Variants in GPNMB observed in about 807,000 individuals in gnomAD.
The protein encoded by GPNMB is transmembrane glycoprotein NMB.
A neutral mutation model predicts 57.3 loss-of-function variants in GPNMB; 71 were observed. The ratio of observed to expected loss-of-function variants is 1.24; its 90% CI spans 1.02 to 1.51. The LOEUF (loss-of-function observed/expected upper bound fraction) is 1.51. Ranked by LOEUF, GPNMB falls within the 40% of genes most tolerant of loss-of-function variation. The pLI is 0.00. For missense variants in GPNMB, 677 were observed against 691.9 expected (o/e 0.98, Z 0.24); for synonymous variants, 253 against 263.2 (o/e 0.96, Z 0.38).
rs1398761763 is a variant in GPNMB, at chr7:23,259,457, C to G, written c.542-523C>G. Among the ~76,000 whole-genome samples, 112 of 152,288 alleles carry G rather than the reference C, an allele frequency of 7.4e-4. 2 individuals are homozygous for G. The highest frequency in any genetic ancestry group is 1.6e-4 in the Non-Finnish European group (11 of 68,022). The stretch of plus-strand genomic sequence containing the variant: ...TCGGCCTCCCAAAATGCTGGGATTA[C>G]AGGCATGAGCTACCGCGCCCAGCCA... On this transcript the variant is annotated intron_variant, in intron 4 of 10. Coordinates refer to ENST00000258733, the MANE Select transcript of GPNMB (RefSeq NM_002510.3).
intron 4 of GPNMB, among the ~76,000 whole-genome samples, chr7:23,259,271 C>T (rs1214367727): frequency 1.3e-5 from 2 of 152,128 alleles, no homozygotes; most frequent in Non-Finnish European, 2.9e-5. Flanking sequence ...CTGGAATCCC[C>T]GCTCCGGGTT....
chr7:23,254,444 C>G, intron 3 of GPNMB, 132 bp downstream of exon 3: 1 of 709,376 alleles, frequency 1.4e-6, no homozygotes, highest in East Asian at 2.8e-5. Context: ...ATGACAGAGA[C>G]AGTGAGTGTG....
chr7:23,248,615 GCCA>G (rs1407117511), intron 1 of GPNMB, among the ~76,000 whole-genome samples: 9 of 152,138 alleles, frequency 5.9e-5, no homozygotes, highest in African/African-American at 2.2e-4. Flanking sequence ...AGGCAGCCCA[GCCA>G]CCACCTCTCT....
intron 2 of GPNMB, 134 bp downstream of exon 2, chr7:23,253,593 C>G: frequency 1.4e-6 from 1 of 689,778 alleles, no homozygotes; most frequent in Non-Finnish European, 2.4e-6. Flanking sequence ...AGTGGGGAGG[C>G]ACCTGGACTT....
chr7:23,270,217 A>C (rs761346818), intron 9 of GPNMB, 42 bp downstream of exon 9: 9 of 1,358,564 alleles, frequency 6.6e-6, no homozygotes, highest in Middle Eastern at 1.8e-4. Context: ...TCATACTGCA[A>C]GTAAAGTGTG....
intron 1 of GPNMB, chr7:23,247,183 G>T (rs1434484358): frequency 6.1e-6 from 3 of 494,746 alleles, no homozygotes; most frequent in African/African-American, 5.9e-5. Flanking sequence ...CTTTTCCATT[G>T]CAATTGCAAC....
chr7:23,265,845 G>C (rs1583831857), intron 6 of GPNMB, among the ~76,000 whole-genome samples: 1 of 150,870 alleles, frequency 6.6e-6, no homozygotes, highest in South Asian at 2.1e-4. Flanking sequence ...AACAAGGGAA[G>C]CTGGAATTTG....
chr7:23,267,736 A>T, intron 7 of GPNMB, 150 bp from the exon 8 acceptor site: 1 of 648,298 alleles, frequency 1.5e-6, no homozygotes, highest in Non-Finnish European at 2.8e-6. Flanking sequence ...TACCTCCCAA[A>T]GACCCCCCTC....
chr7:23,273,402 C>A, intron 9 of GPNMB, 119 bp from the exon 10 acceptor site: 1 of 676,440 alleles, frequency 1.5e-6, no homozygotes, highest in Non-Finnish European at 2.6e-6. Flanking sequence ...TTACTGAAAG[C>A]CCAGAGGGAG....
Position 23,246,916 on chromosome 7 carries a change from A to C in GPNMB, c.59A>C (p.Asp20Ala). ...FLLLAARLPL[D>A]AAKRFHDVLG... ...CTCCTGGCTGCAAGATTGCCACTTGATGCCGCCAAACGTGAGTAACCCTTA... is the reference window on the plus strand; with the variant it reads ...CTCCTGGCTGCAAGATTGCCACTTGCTGCCGCCAAACGTGAGTAACCCTTA... Residue 20 changes from aspartate (D) to alanine (A), a missense_variant, in exon 1 of 11, where the codon GAT (aspartate) becomes GCT (alanine). Coordinates refer to ENST00000258733, the MANE Select transcript of GPNMB (RefSeq NM_002510.3). 1 of 1,612,224 alleles carries C rather than the reference A, an allele frequency of 6.2e-7. No homozygotes were observed. Among genetic ancestry groups the C allele is most frequent in the African/African-American group, 1.3e-5 (1 of 74,988 alleles).
intron 9 of GPNMB, 186 bp from the exon 10 acceptor site, chr7:23,273,335 A>T: frequency 1.8e-6 from 1 of 563,886 alleles, no homozygotes; most frequent in East Asian, 3.0e-5. Flanking sequence ...ATGCTGACTC[A>T]TTCTCTAAAT....
Position 23,260,516 on chromosome 7 carries a change from C to G in GPNMB, c.761C>G (p.Thr254Ser), listed in dbSNP as rs767151885. Residue 254 changes from threonine to serine, a missense_variant, in exon 6 of 11, where the codon ACC (threonine) becomes AGC (serine). Coordinates refer to ENST00000258733, the MANE Select transcript of GPNMB (RefSeq NM_002510.3). ...AACGATCGAAATTCATCCGACGAAACCTTCCTCAAAGATCTCCCCATTATG... is the reference window on the plus strand; with the variant it reads ...AACGATCGAAATTCATCCGACGAAAGCTTCCTCAAAGATCTCCCCATTATG... Reference protein sequence around the residue: ...QKNDRNSSDETFLKDLPIMFD... With the variant: ...QKNDRNSSDESFLKDLPIMFD... The G allele has an allele frequency of 1.2e-6, 2 of 1,613,700 alleles. No homozygotes were observed. Among genetic ancestry groups the G allele is most frequent in the African/African-American group, 1.3e-5 (1 of 74,898 alleles).
chr7:23,248,389 C>T (rs1782585585), intron 1 of GPNMB, among the ~76,000 whole-genome samples: 1 of 152,128 alleles, frequency 6.6e-6, no homozygotes, highest in African/African-American at 2.4e-5. Context: ...AGCAGGAGGC[C>T]GAATCAGCGC....
At chr7:23,249,071 C>G (rs1238208440) in intron 1 of GPNMB, among the ~76,000 whole-genome samples, 1 of 152,118 alleles carries the variant, frequency 6.6e-6, no homozygotes, top group South Asian at 2.1e-4. Flanking sequence ...GCCACCTTAT[C>G]CGGATGGGTT....
intron 1 of GPNMB, among the ~76,000 whole-genome samples, chr7:23,249,101 T>C (rs1361856729): frequency 6.6e-6 from 1 of 152,198 alleles, no homozygotes; most frequent in Non-Finnish European, 1.5e-5. Flanking sequence ...TTTTAAATTT[T>C]TGTAGAGACA....
At chr7:23,251,942 C>A (rs529626137) in intron 1 of GPNMB, among the ~76,000 whole-genome samples, 1 of 152,282 alleles carries the variant, frequency 6.6e-6, no homozygotes, top group African/African-American at 2.4e-5. Context: ...TGGAGGCAAC[C>A]AACCAGTCTG....
At chr7:23,262,053 GC>G (rs1300502675) in intron 6 of GPNMB, among the ~76,000 whole-genome samples, 6 of 152,038 alleles carry the variant, frequency 3.9e-5, no homozygotes, top group Non-Finnish European at 7.4e-5. Context: ...CAGGGACCAA[GC>G]CCACGACGGT....
chr7:23,264,154 A>C lies in GPNMB; in HGVS notation c.1019-2363A>C, dbSNP rs181765918. Among the ~76,000 whole-genome samples the C allele has an allele frequency of 4.2e-3, 642 of 151,740 alleles. 7 individuals are homozygous for C. Among genetic ancestry groups the C allele is most frequent in the African/African-American group, 0.013 (535 of 41,288 alleles). The stretch of plus-strand genomic sequence containing the variant: ...TGCTAATTACTGTAATACTCTCTCT[A>C]TATATAAAATAACATCATATCATAG... On this transcript the variant is annotated intron_variant, in intron 6 of 10. Coordinates refer to ENST00000258733, the MANE Select transcript of GPNMB (RefSeq NM_002510.3).
At chr7:23,262,448 A>G (rs74960009) in intron 6 of GPNMB, among the ~76,000 whole-genome samples, 2,936 of 152,150 alleles carry the variant, frequency 0.019, 82 homozygotes, top group African/African-American at 0.067. Flanking sequence ...TCATTTACAC[A>G]AGAGGGCTAT....
Sources: allele counts gnomAD v4.1 joint callset (sites outside exome capture counted in the v4.1 genomes callset), GRCh38; gene constraint gnomAD v4.1.1; transcripts MANE v1.5; gene names NCBI Gene and HGNC (gene_info 2026-07-23, HGNC 2026-07-21).